Variants in WWOX observed in about 807,000 individuals in gnomAD.
WWOX encodes the protein WW domain containing oxidoreductase.
Under a neutral mutation model 46.2 loss-of-function variants are expected in WWOX, and 69 were observed. That is an observed-to-expected ratio of 1.49 (90% CI 1.23 to 1.82). The LOEUF is 1.82. WWOX is among the 40% of genes most tolerant of loss of function. WWOX has a pLI of 0.00. For missense variants in WWOX, 919 were observed against 542.6 expected (o/e 1.69, Z -6.89); for synonymous variants, 359 against 202.6 (o/e 1.77, Z -6.56).
intron 8 of WWOX, among the ~76,000 whole-genome samples, chr16:78,746,804 C>T (rs1173951823): frequency 6.6e-6 from 1 of 152,126 alleles, no homozygotes; most frequent in African/African-American, 2.4e-5. Context: ...TCAGGCCAAC[C>T]TCAACCAATT....
chr16:78,977,628 A>G (rs937609272), intron 8 of WWOX, among the ~76,000 whole-genome samples: 19 of 152,182 alleles, frequency 1.2e-4, no homozygotes, highest in Non-Finnish European at 1.5e-5. Context: ...AGATAGAAGA[A>G]GGAAAACAGT....
intron 8 of WWOX, among the ~76,000 whole-genome samples, chr16:78,546,921 GTTTC>G (rs2044046734): frequency 2.0e-5 from 3 of 151,990 alleles, no homozygotes. Context: ...GAGCCCAGGG[GTTTC>G]AGATCAGTCT....
At chr16:79,116,293 A>G (rs1374082520) in intron 8 of WWOX, among the ~76,000 whole-genome samples, 3 of 152,162 alleles carry the variant, frequency 2.0e-5, no homozygotes, top group Non-Finnish European at 4.4e-5. Context: ...TCCTTTTACA[A>G]AAGGATTCTC....
At chr16:78,322,723 C>T (rs2080513562) in intron 5 of WWOX, among the ~76,000 whole-genome samples, 1 of 152,200 alleles carries the variant, frequency 6.6e-6, no homozygotes, top group African/African-American at 2.4e-5. Context: ...CAAACATTTT[C>T]TGTAAGGGAG....
rs536941798 is a variant in WWOX, at chr16:78,557,778, C to T, written c.1056+125026C>T. 4.8e-5 allele frequency among the ~76,000 whole-genome samples: 7 copies of T among 147,366 alleles called. No homozygotes were observed. In the East Asian group the frequency reaches 7.9e-4, roughly 17 times the overall value. ...TGGCGCGATGTCAGCTCACTGCAAC[C>T]TCCGCCTCCTGGGTTCAAACAATTC... On this transcript the variant is annotated intron_variant, in intron 8 of 8. Coordinates refer to ENST00000566780, the MANE Select transcript of WWOX (RefSeq NM_016373.4).
At chr16:79,189,859 A>G (rs1404912192) in intron 8 of WWOX, among the ~76,000 whole-genome samples, 1 of 139,374 alleles carries the variant, frequency 7.2e-6, no homozygotes, top group Non-Finnish European at 1.5e-5. Flanking sequence ...TTTAGTAGGT[A>G]GTTTAACTCC....
chr16:78,283,106 G>T (rs1456199119), intron 5 of WWOX, among the ~76,000 whole-genome samples: 2 of 152,098 alleles, frequency 1.3e-5, no homozygotes, highest in Non-Finnish European at 2.9e-5. Flanking sequence ...GGGGCAGGAA[G>T]GGGTAGCTGT....
chr16:78,353,898 G>A (rs2081231491), intron 5 of WWOX, among the ~76,000 whole-genome samples: 1 of 152,166 alleles, frequency 6.6e-6, no homozygotes, highest in Non-Finnish European at 1.5e-5. Flanking sequence ...TAAAATTCCT[G>A]GGTGATGGCT....
intron 5 of WWOX, among the ~76,000 whole-genome samples, chr16:78,383,706 A>C (rs1320970525): frequency 6.6e-6 from 1 of 152,164 alleles, no homozygotes. Flanking sequence ...TGCATTTTCC[A>C]TCCCCTGGAC....
At chr16:78,809,504 G>T (rs62036161) in intron 8 of WWOX, among the ~76,000 whole-genome samples, 6,547 of 152,144 alleles carry the variant, frequency 0.043, 177 homozygotes, top group Admixed American at 0.062. Context: ...TGAGGACTCT[G>T]CCAGCCTCTG....
chr16:78,852,785 T>C (rs1462317423), intron 8 of WWOX, among the ~76,000 whole-genome samples: 1 of 152,174 alleles, frequency 6.6e-6, no homozygotes, highest in African/African-American at 2.4e-5. Context: ...AATGTAGGAG[T>C]TCCTCAATGG....
intron 8 of WWOX, among the ~76,000 whole-genome samples, chr16:78,446,792 C>A (rs1455169926): frequency 6.7e-6 from 1 of 150,334 alleles, no homozygotes; most frequent in African/African-American, 2.5e-5. Context: ...TCCTCAGTGG[C>A]TGGGATTACA....
chr16:78,151,215 G>A (rs780794463), intron 4 of WWOX, among the ~76,000 whole-genome samples: 2 of 152,000 alleles, frequency 1.3e-5, no homozygotes, highest in Non-Finnish European at 2.9e-5. Context: ...CAGGAACCTG[G>A]ATGAAGACCC....
chr16:78,552,361 A>C (rs1437050220), intron 8 of WWOX: 2 of 152,228 alleles, frequency 1.3e-5, no homozygotes, highest in Non-Finnish European at 2.9e-5. Context: ...ATAGCATCTG[A>C]ATCTTAATGA....
chr16:78,364,355 A>T (rs4074875), intron 5 of WWOX, among the ~76,000 whole-genome samples: 2,115 of 152,306 alleles, frequency 0.014, 147 homozygotes, highest in Admixed American at 0.11. Flanking sequence ...TCTAATTACA[A>T]GGCATTGTAT....
intron 8 of WWOX, among the ~76,000 whole-genome samples, chr16:78,917,059 C>T (rs992410388): frequency 2.6e-5 from 4 of 152,162 alleles, no homozygotes; most frequent in Admixed American, 6.5e-5. Flanking sequence ...TCTTCTAAAC[C>T]ACATCTTTCC....
At chr16:79,080,887 ACAGATGCAT>A (rs2048748387) in intron 8 of WWOX, among the ~76,000 whole-genome samples, 1 of 152,204 alleles carries the variant, frequency 6.6e-6, no homozygotes, top group African/African-American at 2.4e-5. Flanking sequence ...AGGTATCCCA[ACAGATGCAT>A]CACCCAGTCT....
At chr16:78,708,150 C>A (rs2048363835) in intron 8 of WWOX, among the ~76,000 whole-genome samples, 1 of 152,166 alleles carries the variant, frequency 6.6e-6, no homozygotes, top group South Asian at 2.1e-4. Flanking sequence ...ATGACTGCAC[C>A]ATTGCATTCC....
At chr16:78,106,509 C>T (rs889351491) in intron 1 of WWOX, among the ~76,000 whole-genome samples, 13 of 149,570 alleles carry the variant, frequency 8.7e-5, no homozygotes, top group East Asian at 6.0e-4. Context: ...CTCTGCCTGC[C>T]GGGTTGAAGC....
Sources: allele counts gnomAD v4.1 joint callset (sites outside exome capture counted in the v4.1 genomes callset), GRCh38; gene constraint gnomAD v4.1.1; transcripts MANE v1.5; gene names NCBI Gene and HGNC (gene_info 2026-07-23, HGNC 2026-07-21).